BICD1: variants seen among roughly 807,000 people sequenced by gnomAD.
BICD1 encodes protein bicaudal D homolog 1.
In BICD1, 35 loss-of-function variants were observed where a neutral mutation model predicts 92.5. The observed-to-expected ratio is 0.38, with a 90% confidence interval of 0.29 to 0.50. The LOEUF (loss-of-function observed/expected upper bound fraction) is 0.50, where lower values mean the gene tolerates loss of function less well. BICD1 is among the 20% of genes least tolerant of loss of function. The probability of loss-of-function intolerance (pLI) is 0.93; values close to 1 mark genes in which losing one functional copy is unlikely to be tolerated. For missense variants in BICD1, 950 were observed against 1,189.8 expected (o/e 0.80, Z 2.97); for synonymous variants, 429 against 465.1 (o/e 0.92, Z 1.00).
chr12:32,262,510 C>T (rs781728369), intron 2 of BICD1, among the ~76,000 whole-genome samples: 3 of 152,166 alleles, frequency 2.0e-5, no homozygotes, highest in Non-Finnish European at 4.4e-5. Context: ...AAAAGATACA[C>T]CACAGAGCTC....
At chr12:32,198,849 T>A (rs1944815971) in intron 1 of BICD1, among the ~76,000 whole-genome samples, 1 of 152,218 alleles carries the variant, frequency 6.6e-6, no homozygotes, top group East Asian at 1.9e-4. Flanking sequence ...TTACTGGACC[T>A]GTTGTGATTC....
chr12:32,339,974 T>C (rs1938300065), intron 8 of BICD1: 1 of 837,006 alleles, frequency 1.2e-6, no homozygotes, highest in African/African-American at 1.9e-5. Flanking sequence ...TAGGGCAAGC[T>C]TCGCACTTTG....
chr12:32,195,114 A>G (rs1015698152), intron 1 of BICD1, among the ~76,000 whole-genome samples: 3 of 148,280 alleles, frequency 2.0e-5, no homozygotes, highest in Non-Finnish European at 4.5e-5. Context: ...AAAAAATTGA[A>G]GACAGAAATA....
At chr12:32,159,185 T>C (rs972549206) in intron 1 of BICD1, among the ~76,000 whole-genome samples, 1 of 152,128 alleles carries the variant, frequency 6.6e-6, no homozygotes, top group Non-Finnish European at 1.5e-5. Flanking sequence ...CCACCCACCT[T>C]GGCCTCCCAA....
In BICD1 at chr12:32,204,741, G is replaced by T. The variant is rs1402120124; in HGVS notation, c.214-11506G>T. 2.6e-5 allele frequency among the ~76,000 whole-genome samples: 4 copies of T among 152,116 alleles called. No individual in the cohort carries two copies. In the East Asian group the frequency reaches 7.7e-4, roughly 29 times the overall value. On this transcript the variant is annotated intron_variant, in intron 1 of 9. Transcript: ENST00000652176. ...TACCCCAGACCTGTGATTCTCAAAT[G>T]GTATGCCAAGATGCCCTGGGGAACC...
intron 9 of BICD1, among the ~76,000 whole-genome samples, chr12:32,371,401 T>C (rs1027625488): frequency 1.3e-5 from 2 of 152,208 alleles, no homozygotes; most frequent in African/African-American, 4.8e-5. Flanking sequence ...CATTGCCCTT[T>C]TTACTCCTTC....
intron 2 of BICD1, among the ~76,000 whole-genome samples, chr12:32,249,173 G>T (rs1275582753): frequency 6.6e-6 from 1 of 152,128 alleles, no homozygotes; most frequent in East Asian, 1.9e-4. Context: ...GGAACTTCAG[G>T]TGGGTAGGGT....
At chr12:32,153,574 T>G (rs1943350515) in intron 1 of BICD1, among the ~76,000 whole-genome samples, 1 of 152,056 alleles carries the variant, frequency 6.6e-6, no homozygotes, top group Non-Finnish European at 1.5e-5. Flanking sequence ...TTGGGCAACA[T>G]GGCGAAAGTT....
chr12:32,219,971 T>C (rs1289478882), intron 2 of BICD1, among the ~76,000 whole-genome samples: 2 of 152,018 alleles, frequency 1.3e-5, no homozygotes, highest in African/African-American at 4.8e-5. Context: ...TTGACAAACC[T>C]GAGAAAAACA....
intron 8 of BICD1, among the ~76,000 whole-genome samples, chr12:32,348,263 A>C (rs993608787): frequency 6.6e-6 from 1 of 152,218 alleles, no homozygotes; most frequent in African/African-American, 2.4e-5. Context: ...GAAGAGATCA[A>C]CATGAAAAAC....
chr12:32,365,383 C>T (rs1939491683), intron 8 of BICD1, among the ~76,000 whole-genome samples: 1 of 152,152 alleles, frequency 6.6e-6, no homozygotes, highest in Non-Finnish European at 1.5e-5. Context: ...GTTCTGATCA[C>T]CTGCTGTCTG....
chr12:32,328,712 A>G lies in BICD1; in HGVS notation c.2100+157A>G, dbSNP rs530123615. Among the ~76,000 whole-genome samples the G allele has an allele frequency of 3.3e-5, 5 of 152,322 alleles. No homozygotes were observed. On this transcript the variant is annotated intron_variant, in intron 5 of 9. Transcript: ENST00000652176. This position sits in a 1 kb window ranked among gnomAD's most constrained non-coding sequence, Gnocchi z 4.4. ...CCCAGTGCCAGATCAGAATGTCATA[A>G]TAATTATTGTTTTTAAATGATGAAA...
At chr12:32,348,553 C>G (rs1237426331) in intron 8 of BICD1, among the ~76,000 whole-genome samples, 1 of 150,180 alleles carries the variant, frequency 6.7e-6, no homozygotes, top group Non-Finnish European at 1.5e-5. Flanking sequence ...CTAAGTCCAC[C>G]CATACATTGC....
At chr12:32,127,049 C>A (rs1942372371) in intron 1 of BICD1, among the ~76,000 whole-genome samples, 1 of 152,140 alleles carries the variant, frequency 6.6e-6, no homozygotes, top group African/African-American at 2.4e-5. Context: ...ATTCTGTATA[C>A]TAAGCCTTTT....
At chr12:32,153,770 C>CAT (rs149226743) in intron 1 of BICD1, among the ~76,000 whole-genome samples, 22,673 of 147,446 alleles carry the variant, frequency 0.15, 1,911 homozygotes, top group Middle Eastern at 0.21. Context: ...TGTGTGTGTA[C>CAT]ATATATATAT....
intron 1 of BICD1, among the ~76,000 whole-genome samples, chr12:32,110,029 T>C (rs1941628563): frequency 6.6e-6 from 1 of 152,212 alleles, no homozygotes; most frequent in Non-Finnish European, 1.5e-5. Context: ...TGAACAAATA[T>C]GATTTATTTA....
chr12:32,305,370 A>G (rs1246698870), intron 3 of BICD1, among the ~76,000 whole-genome samples: 1 of 151,932 alleles, frequency 6.6e-6, no homozygotes, highest in East Asian at 1.9e-4. Context: ...GGATCCTATG[A>G]AAGAAATCCT....
intron 3 of BICD1, among the ~76,000 whole-genome samples, chr12:32,295,335 G>A (rs896587693): frequency 6.6e-6 from 1 of 152,094 alleles, no homozygotes; most frequent in African/African-American, 2.4e-5. Context: ...TTGGATGTTC[G>A]AGTTCTTTTC....
At chr12:32,376,615 C>A (rs1441445846) in intron 9 of BICD1, among the ~76,000 whole-genome samples, 2 of 151,758 alleles carry the variant, frequency 1.3e-5, no homozygotes, top group Non-Finnish European at 2.9e-5. Flanking sequence ...CGCCTGTAAT[C>A]CCAACACTTG....
Sources: gnomAD v4.1 joint callset for allele counts (sites outside exome capture counted in the v4.1 genomes callset) on GRCh38, gnomAD v4.1.1 for gene constraint, Gnocchi (gnomAD v3.1) non-coding constraint, MANE v1.5 for transcripts, NCBI Gene and HGNC (gene_info 2026-07-23, HGNC 2026-07-21) for gene names.